The following POU6F2 variants were observed in gnomAD, a reference collection of about 807,000 sequenced individuals.
POU6F2 encodes the protein POU class 6 homeobox 2, also known as POU domain, class 6, transcription factor 2.
Under a neutral mutation model 71.3 loss-of-function variants are expected in POU6F2, and 31 were observed. That is an observed-to-expected ratio of 0.43 (90% confidence interval 0.33 to 0.59). The LOEUF is 0.59. POU6F2 is among the 20% of genes least tolerant of loss of function. The pLI, the probability that POU6F2 is intolerant of heterozygous loss-of-function variation, is 0.04. For synonymous variants in POU6F2, 347 were observed against 355.7 expected (o/e 0.98, Z 0.27); for missense variants, 783 against 856.8 (o/e 0.91, Z 1.07).
chr7:39,204,386 T>C, intron 3 of POU6F2, 60 bp downstream of exon 3: 2 of 1,348,574 alleles, frequency 1.5e-6, no homozygotes, highest in Non-Finnish European at 2.1e-6. Flanking sequence ...ACCATATAAA[T>C]CACCAAATAA....
At chr7:39,392,414 A>G (rs1787090732) in intron 5 of POU6F2, among the ~76,000 whole-genome samples, 1 of 152,186 alleles carries the variant, frequency 6.6e-6, no homozygotes, top group African/African-American at 2.4e-5. Context: ...ACTCAGTGCC[A>G]CTGTGGGAGA....
chr7:39,260,726 C>T (rs1784120442), intron 4 of POU6F2, among the ~76,000 whole-genome samples: 1 of 151,908 alleles, frequency 6.6e-6, no homozygotes, highest in East Asian at 1.9e-4. Flanking sequence ...ACATATACTA[C>T]ACCACCTGCA....
chr7:39,103,382 G>A (rs1384876342), intron 2 of POU6F2, among the ~76,000 whole-genome samples: 1 of 152,184 alleles, frequency 6.6e-6, no homozygotes, highest in Non-Finnish European at 1.5e-5. Context: ...GGGAGATGGA[G>A]TCTTGGTGGG....
In POU6F2 at chr7:39,466,201, C is replaced by T. The variant is rs574521592; in HGVS notation, c.*1515C>T. 6.6e-5 allele frequency: 10 copies of T among 152,202 alleles called. No homozygotes were observed. The highest frequency in any genetic ancestry group is 1.9e-4 in the East Asian group (1 of 5,186). The allele number at this position is 152,202 out of a possible 1,614,324, so 9.4% of individuals were successfully genotyped here. ...TCAGGGGAAAGGAAGTTTGAAGAAGCTTTCACCAAAAGAAAAAAATATAGA... is the reference window on the plus strand; with the variant it reads ...TCAGGGGAAAGGAAGTTTGAAGAAGTTTTCACCAAAAGAAAAAAATATAGA... On this transcript the variant is annotated 3_prime_UTR_variant, in exon 10 of 10. Coordinates refer to ENST00000518318, the MANE Select transcript of POU6F2 (RefSeq NM_001370959.1).
At chr7:39,139,598 C>T (rs945548866) in intron 2 of POU6F2, among the ~76,000 whole-genome samples, 2 of 152,162 alleles carry the variant, frequency 1.3e-5, no homozygotes, top group African/African-American at 2.4e-5. Flanking sequence ...GAACCAACTC[C>T]GGCCACGATT....
chr7:39,122,203 G>A (rs191446523), intron 2 of POU6F2, among the ~76,000 whole-genome samples: 2 of 152,350 alleles, frequency 1.3e-5, no homozygotes, highest in Non-Finnish European at 2.9e-5. Context: ...ATGGACTACA[G>A]ATTACCTTTA....
intron 4 of POU6F2, among the ~76,000 whole-genome samples, chr7:39,317,031 C>T (rs1484425549): frequency 2.0e-5 from 3 of 152,204 alleles, no homozygotes; most frequent in Non-Finnish European, 4.4e-5. Context: ...TGATGTTCTT[C>T]CCAAGGCAAG....
At position 39,464,668 on chromosome 7, in the gene POU6F2, T is replaced by C; in HGVS notation, c.2145T>C (p.Ser715=). 1 of 1,604,268 alleles carries C rather than the reference T, an allele frequency of 6.2e-7. No homozygotes were observed. Among genetic ancestry groups the C allele is most frequent in the Non-Finnish European group, 8.5e-7 (1 of 1,175,968 alleles). ...TCCCTTTGGAGCCCTTAACAGACTCTCTGGAAGAAAACTCCTAAAGAGATG... is the reference window on the plus strand; with the variant it reads ...TCCCTTTGGAGCCCTTAACAGACTCCCTGGAAGAAAACTCCTAAAGAGATG... ...TAVPLEPLTD[S]LEENS is the part of the protein sequence containing the mutation. Residue 715 remains serine (S), a synonymous_variant, in exon 10 of 10, where the codon TCT becomes TCC. Coordinates refer to ENST00000518318, the MANE Select transcript of POU6F2 (RefSeq NM_001370959.1). This position sits in a 1 kb window ranked among gnomAD's most constrained non-coding sequence, Gnocchi z 4.1.
At chr7:39,165,586 T>C (rs1005625800) in intron 2 of POU6F2, among the ~76,000 whole-genome samples, 3 of 152,186 alleles carry the variant, frequency 2.0e-5, no homozygotes, top group African/African-American at 7.2e-5. Context: ...CCCTGAAGGA[T>C]AGTCATATAT....
chr7:39,386,152 CT>C lies in POU6F2; in HGVS notation c.973-20444del, dbSNP rs1786938534. On this transcript the variant is annotated intron_variant, in intron 5 of 9. Transcript: ENST00000518318. The stretch of plus-strand genomic sequence containing the variant: ...AAAAAAAAAGAACCAACTTAGGCCA[CT>C]TTTACAGACCATTCTGGCTCCAAAG... 2.0e-5 allele frequency among the ~76,000 whole-genome samples: 3 copies of C among 151,500 alleles called. No homozygotes were observed. The South Asian group carries it at 6.2e-4, about 32-fold the overall frequency.
chr7:39,335,914 GT>G (rs939043525), intron 4 of POU6F2, among the ~76,000 whole-genome samples: 8 of 152,164 alleles, frequency 5.3e-5, no homozygotes, highest in Non-Finnish European at 1.0e-4. Flanking sequence ...GGCACAATGT[GT>G]TTCTCCCTGT....
chr7:39,088,070 A>G (rs907483003), intron 2 of POU6F2, among the ~76,000 whole-genome samples: 1 of 152,218 alleles, frequency 6.6e-6, no homozygotes, highest in Non-Finnish European at 1.5e-5. Flanking sequence ...GTGTGAGAGA[A>G]CACAGCAAAA....
rs1199820880 is a variant in POU6F2, at chr7:39,026,512, ACACCG to A, written c.105+48457_105+48461del. Among the ~76,000 whole-genome samples, 8 of 152,076 alleles carry A rather than the reference ACACCG, an allele frequency of 5.3e-5. No individual in the cohort carries two copies. The East Asian group carries it at 1.6e-3, about 30-fold the overall frequency. ...AACTATGGCAAGGACAAAAAACCAAACACCGCATGTTCTCAGTCATAGATGGGAAT... is the reference window on the plus strand; with the variant it reads ...AACTATGGCAAGGACAAAAAACCAAACATGTTCTCAGTCATAGATGGGAAT... On this transcript the variant is annotated intron_variant, in intron 1 of 9. Transcript: ENST00000518318.
chr7:39,116,032 C>A (rs1456355665), intron 2 of POU6F2, among the ~76,000 whole-genome samples: 1 of 152,132 alleles, frequency 6.6e-6, no homozygotes, highest in African/African-American at 2.4e-5. Context: ...TCAGCAGACT[C>A]GCCTCTCCAT....
intron 7 of POU6F2, among the ~76,000 whole-genome samples, chr7:39,439,793 TG>T (rs1314334586): frequency 6.6e-6 from 1 of 152,184 alleles, no homozygotes; most frequent in Non-Finnish European, 1.5e-5. Context: ...CCAGGCTTTT[TG>T]GTGTGTTTTT....
intron 4 of POU6F2, among the ~76,000 whole-genome samples, chr7:39,262,761 A>G (rs1473129440): frequency 2.0e-5 from 3 of 152,062 alleles, no homozygotes; most frequent in Non-Finnish European, 4.4e-5. Context: ...GTTTTTTCCA[A>G]CCAACATGAA....
At chr7:39,221,252 C>A (rs895419555) in intron 4 of POU6F2, among the ~76,000 whole-genome samples, 1 of 152,014 alleles carries the variant, frequency 6.6e-6, no homozygotes, top group Admixed American at 6.6e-5. Flanking sequence ...CAGAAAATCA[C>A]AAAGGATCCA....
chr7:39,163,289 T>A (rs1336840764), intron 2 of POU6F2, among the ~76,000 whole-genome samples: 1 of 152,230 alleles, frequency 6.6e-6, no homozygotes, highest in East Asian at 1.9e-4. Flanking sequence ...TGTTTGAATC[T>A]CTAGTGGAGC....
chr7:39,001,886 T>G (rs1788924856), intron 1 of POU6F2: 1 of 152,074 alleles, frequency 6.6e-6, no homozygotes, highest in African/African-American at 2.4e-5. Flanking sequence ...ATGGGGATGA[T>G]GATGTGAATG....
Sources: allele counts gnomAD v4.1 joint callset (sites outside exome capture counted in the v4.1 genomes callset), GRCh38; gene constraint gnomAD v4.1.1; non-coding constraint Gnocchi (gnomAD v3.1); transcripts MANE v1.5; gene names NCBI Gene and HGNC (gene_info 2026-07-23, HGNC 2026-07-21).